The following WDR19 variants were observed in gnomAD, a reference collection of about 807,000 sequenced individuals.
WDR19 encodes the protein WD repeat domain 19.
WDR19 carries 121 observed loss-of-function variants against 180.0 expected under a neutral mutation model. The observed-to-expected ratio is 0.67, with a 90% confidence interval of 0.58 to 0.78. The LOEUF (loss-of-function observed/expected upper bound fraction) is 0.78, where lower values mean the gene tolerates loss of function less well. WDR19 is among the 30% of genes least tolerant of loss of function. WDR19 has a pLI of 0.00. For synonymous variants in WDR19, 497 were observed against 540.7 expected (o/e 0.92, Z 1.12); for missense variants, 1,450 against 1,640.7 (o/e 0.88, Z 2.01).
At chr4:39,209,569 G>A (rs932098456) in intron 9 of WDR19, among the ~76,000 whole-genome samples, 5 of 151,854 alleles carry the variant, frequency 3.3e-5, no homozygotes, top group Non-Finnish European at 5.9e-5. Context: ...AAAACTAGCC[G>A]GGCATGGTGG....
intron 28 of WDR19, among the ~76,000 whole-genome samples, chr4:39,264,951 G>A (rs10004993): frequency 0.072 from 10,418 of 143,990 alleles, 1,207 homozygotes; most frequent in African/African-American, 0.25. Flanking sequence ...AAAGTCTCAC[G>A]CTGTCGCCCA....
intron 24 of WDR19, among the ~76,000 whole-genome samples, chr4:39,249,355 G>C (rs963852911): frequency 1.3e-5 from 2 of 151,920 alleles, no homozygotes; most frequent in African/African-American, 4.8e-5. Context: ...GTGTGTAGAG[G>C]GAAATTTATA....
chr4:39,226,310 T>A (rs562397218), intron 15 of WDR19, among the ~76,000 whole-genome samples: 1 of 152,386 alleles, frequency 6.6e-6, no homozygotes, highest in Non-Finnish European at 1.5e-5. Context: ...TGATAATTTC[T>A]GTTAAAGAGC....
chr4:39,276,968 C>T (rs1735962642), intron 33 of WDR19, 52 bp from the exon 34 acceptor site: 1 of 1,606,168 alleles, frequency 6.2e-7, no homozygotes, highest in Admixed American at 1.7e-5. Context: ...CTTTGCCATC[C>T]CCGGTACATG....
intron 19 of WDR19, among the ~76,000 whole-genome samples, chr4:39,233,177 TA>T (rs1056315321): frequency 3.3e-5 from 5 of 152,150 alleles, no homozygotes. Flanking sequence ...TGTTGTGTAT[TA>T]AAAGGTGAGC....
intron 4 of WDR19, among the ~76,000 whole-genome samples, chr4:39,190,590 C>T (rs563180389): frequency 6.6e-5 from 10 of 152,252 alleles, no homozygotes; most frequent in East Asian, 1.9e-4. Flanking sequence ...ATCATATACA[C>T]GCTATGAGAC....
chr4:39,247,449 T>C (rs1732652665), intron 24 of WDR19, among the ~76,000 whole-genome samples: 1 of 151,978 alleles, frequency 6.6e-6, no homozygotes, highest in South Asian at 2.1e-4. Flanking sequence ...TCAGAGCGCC[T>C]CTCCTCCTCC....
intron 14 of WDR19, among the ~76,000 whole-genome samples, chr4:39,221,334 C>T (rs1729685112): frequency 6.6e-6 from 1 of 152,172 alleles, no homozygotes; most frequent in Non-Finnish European, 1.5e-5. Context: ...GGAACTTAAA[C>T]TAAGATTTCC....
intron 33 of WDR19, among the ~76,000 whole-genome samples, chr4:39,276,477 T>A (rs1735907977): frequency 6.6e-6 from 1 of 152,186 alleles, no homozygotes; most frequent in African/African-American, 2.4e-5. Context: ...ATATGGTACC[T>A]GCTAGCCACA....
chr4:39,242,527 CA>C (rs1245948252), intron 21 of WDR19, among the ~76,000 whole-genome samples: 2 of 152,028 alleles, frequency 1.3e-5, no homozygotes, highest in Non-Finnish European at 1.5e-5. Flanking sequence ...TTTCTATCAT[CA>C]AAAATACTGC....
intron 4 of WDR19, among the ~76,000 whole-genome samples, chr4:39,191,554 C>A (rs2109255701): frequency 6.6e-6 from 1 of 152,282 alleles, no homozygotes; most frequent in African/African-American, 2.4e-5. Context: ...TGCATTTATA[C>A]TCTTTTAGAA....
intron 26 of WDR19, among the ~76,000 whole-genome samples, chr4:39,254,584 A>G (rs1426606713): frequency 6.6e-6 from 1 of 152,162 alleles, no homozygotes; most frequent in Non-Finnish European, 1.5e-5. Flanking sequence ...TTTTCATTTC[A>G]TGGACCATAC....
chr4:39,217,933 A>G, intron 13 of WDR19, 50 bp from the exon 14 acceptor site: 3 of 1,603,900 alleles, frequency 1.9e-6, no homozygotes, highest in Non-Finnish European at 2.6e-6. Context: ...TGTTGTATAG[A>G]TGGTTTACTC....
At chr4:39,232,821 G>A (rs1731014485) in intron 19 of WDR19, among the ~76,000 whole-genome samples, 1 of 151,932 alleles carries the variant, frequency 6.6e-6, no homozygotes. Context: ...AAACATGTCA[G>A]TTTAAGAACC....
intron 19 of WDR19, among the ~76,000 whole-genome samples, chr4:39,233,678 A>G (rs1228963404): frequency 2.0e-5 from 3 of 152,212 alleles, no homozygotes; most frequent in African/African-American, 7.2e-5. Context: ...TTTTAAGTGA[A>G]CTAAATTAAC....
At chr4:39,228,158 G>A in intron 15 of WDR19, 52 bp from the exon 16 acceptor site, 1 of 1,593,704 alleles carries the variant, frequency 6.3e-7, no homozygotes, top group South Asian at 1.1e-5. Flanking sequence ...CACGGCAAAT[G>A]ATAATGATTC....
At chr4:39,282,070 C>G (rs1201479956) in intron 36 of WDR19, among the ~76,000 whole-genome samples, 1 of 152,204 alleles carries the variant, frequency 6.6e-6, no homozygotes, top group Non-Finnish European at 1.5e-5. Flanking sequence ...AACAAACTCT[C>G]TTTTGATTTG....
chr4:39,269,943 T>G, intron 30 of WDR19, 33 bp from the exon 31 acceptor site: 6 of 1,611,386 alleles, frequency 3.7e-6, no homozygotes, highest in Non-Finnish European at 5.1e-6. Flanking sequence ...TGTCACCCTT[T>G]GCAGTAATGT....
chr4:39,257,364 T>A, intron 27 of WDR19, 122 bp from the exon 28 acceptor site: 1 of 917,940 alleles, frequency 1.1e-6, no homozygotes, highest in Admixed American at 2.5e-5. Context: ...TGCAAGCCCC[T>A]GGTTGAGATG....
Sources: allele counts gnomAD v4.1 joint callset (sites outside exome capture counted in the v4.1 genomes callset), GRCh38; gene constraint gnomAD v4.1.1; transcripts MANE v1.5; gene names NCBI Gene and HGNC (gene_info 2026-07-23, HGNC 2026-07-21).